PTPN14: variants seen among roughly 807,000 people sequenced by gnomAD.
PTPN14 encodes protein tyrosine phosphatase non-receptor type 14, also known as tyrosine-protein phosphatase non-receptor type 14.
A neutral mutation model predicts 126.8 loss-of-function variants in PTPN14; 53 were observed. The ratio of observed to expected loss-of-function variants is 0.42; its 90% CI spans 0.34 to 0.53. The LOEUF is 0.53. Ranked by LOEUF, PTPN14 falls within the 20% of genes least tolerant of loss-of-function variation. The pLI is 0.08. For synonymous variants in PTPN14, 630 were observed against 599.3 expected, an observed-to-expected ratio of 1.05 and a Z score of -0.75; for missense variants, 1,257 against 1,552.9, an observed-to-expected ratio of 0.81 and a Z score of 3.20.
intron 1 of PTPN14, among the ~76,000 whole-genome samples, chr1:214,513,013 A>G (rs1354204372): frequency 1.3e-5 from 2 of 152,174 alleles, no homozygotes; most frequent in East Asian, 1.9e-4. Context: ...TTTTAAATCA[A>G]TTTTAAAATC....
At chr1:214,518,164 G>A in intron 1 of PTPN14, among the ~76,000 whole-genome samples, 1 of 152,150 alleles carries the variant, frequency 6.6e-6, no homozygotes, top group East Asian at 1.9e-4. Flanking sequence ...CACCATGGAT[G>A]GGATGAATTT....
intron 11 of PTPN14, 74 bp downstream of exon 11, chr1:214,390,914 T>C: frequency 1.6e-6 from 2 of 1,256,534 alleles, no homozygotes; most frequent in Non-Finnish European, 1.1e-6. Flanking sequence ...GCCCTCATCA[T>C]CCCCCCACCT....
intron 1 of PTPN14, among the ~76,000 whole-genome samples, chr1:214,525,700 C>G (rs1044237298): frequency 3.2e-4 from 49 of 152,112 alleles, no homozygotes; most frequent in Admixed American, 7.2e-4. Flanking sequence ...TCTACTAGAT[C>G]AACTAAGTCA....
chr1:214,489,334 G>A (rs563917728), intron 1 of PTPN14, among the ~76,000 whole-genome samples: 5 of 152,212 alleles, frequency 3.3e-5, no homozygotes, highest in East Asian at 1.9e-4. Flanking sequence ...ACCCAAAACC[G>A]TATCCATCTG....
chr1:214,484,516 C>T (rs970584299), intron 1 of PTPN14, among the ~76,000 whole-genome samples: 11 of 152,270 alleles, frequency 7.2e-5, no homozygotes, highest in South Asian at 6.2e-4. Flanking sequence ...ACTGAAAAAT[C>T]GCTTCAAATC....
chr1:214,390,791 C>CT (rs561049952), intron 11 of PTPN14, among the ~76,000 whole-genome samples, 197 bp downstream of exon 11: 21 of 152,282 alleles, frequency 1.4e-4, no homozygotes, highest in African/African-American at 5.1e-4. Flanking sequence ...CTCAGCCACA[C>CT]TTAGAGTAGT....
chr1:214,466,924 A>T (rs2102655815), intron 1 of PTPN14, among the ~76,000 whole-genome samples: 1 of 152,248 alleles, frequency 6.6e-6, no homozygotes, highest in Non-Finnish European at 1.5e-5. Context: ...TCAGGTTATA[A>T]CCCTGCAACA....
chr1:214,388,376 G>C (rs778455260), intron 11 of PTPN14, among the ~76,000 whole-genome samples: 1 of 151,852 alleles, frequency 6.6e-6, no homozygotes, highest in African/African-American at 2.4e-5. Flanking sequence ...GTAAGCCACC[G>C]AACAGGATAA....
At chr1:214,512,654 T>G (rs1377310178) in intron 1 of PTPN14, among the ~76,000 whole-genome samples, 1 of 152,146 alleles carries the variant, frequency 6.6e-6, no homozygotes, top group African/African-American at 2.4e-5. Flanking sequence ...TTAAAAAATT[T>G]TATGTGTTTT....
At chr1:214,436,482 G>A (rs1659918682) in intron 3 of PTPN14, among the ~76,000 whole-genome samples, 1 of 152,144 alleles carries the variant, frequency 6.6e-6, no homozygotes, top group Admixed American at 6.5e-5. Context: ...ATTTTTTCAA[G>A]TAAGTGTGAG....
chr1:214,405,640 C>T (rs1659149533), intron 5 of PTPN14, among the ~76,000 whole-genome samples: 1 of 150,344 alleles, frequency 6.7e-6, no homozygotes, highest in Admixed American at 6.6e-5. Context: ...AGTGATGTTA[C>T]CTGGAAAACA....
chr1:214,523,006 C>T (rs1230108829), intron 1 of PTPN14, among the ~76,000 whole-genome samples: 1 of 152,306 alleles, frequency 6.6e-6, no homozygotes, highest in East Asian at 1.9e-4. Flanking sequence ...AAGCTGACTA[C>T]AGACCAAAAT....
intron 15 of PTPN14, among the ~76,000 whole-genome samples, chr1:214,375,098 T>C (rs890423431): frequency 2.6e-5 from 4 of 152,210 alleles, no homozygotes; most frequent in Non-Finnish European, 5.9e-5. Flanking sequence ...TGATAGTTAC[T>C]CTTTTATATT....
rs375648230 is a variant in PTPN14, at chr1:214,378,108, G to A, written c.2545-6C>T. The stretch of plus-strand genomic sequence containing the variant: ...ATCTTCTGCTTCTCTAGATTCTTGC[G>A]GCAAGAAAAGGCATGTGCTCATTGT... On this transcript the variant is annotated splice_region_variant and splice_polypyrimidine_tract_variant and intron_variant, in intron 13 of 18. Transcript: ENST00000366956. 34 of 1,604,968 alleles carry A rather than the reference G, an allele frequency of 2.1e-5. No individual in the cohort carries two copies. Among genetic ancestry groups the A allele is most frequent in the South Asian group, 1.1e-4 (10 of 90,590 alleles).
At chr1:214,500,526 T>C (rs1387723582) in intron 1 of PTPN14, among the ~76,000 whole-genome samples, 1 of 152,194 alleles carries the variant, frequency 6.6e-6, no homozygotes, top group East Asian at 1.9e-4. Context: ...AGCTCTTTTA[T>C]GGTTCCAAAT....
At chr1:214,538,701 C>A (rs1655767414) in intron 1 of PTPN14, among the ~76,000 whole-genome samples, 1 of 151,838 alleles carries the variant, frequency 6.6e-6, no homozygotes, top group South Asian at 2.1e-4. Flanking sequence ...AACTCCCCAG[C>A]CTGCTTGCTT....
At chr1:214,465,179 G>A (rs375188708) in intron 1 of PTPN14, among the ~76,000 whole-genome samples, 1 of 152,298 alleles carries the variant, frequency 6.6e-6, no homozygotes, top group East Asian at 1.9e-4. Context: ...CTTTACAGTT[G>A]AAGAAAGGAA....
chr1:214,505,106 C>T (rs1183513639), intron 1 of PTPN14, among the ~76,000 whole-genome samples: 1 of 151,404 alleles, frequency 6.6e-6, no homozygotes, highest in African/African-American at 2.4e-5. Flanking sequence ...TGGGGGCCCC[C>T]AACGAGAGGT....
rs994513646 is a variant in PTPN14, at chr1:214,364,243, C to T, written c.3435+269G>A. On this transcript the variant is annotated intron_variant, in intron 18 of 18. Coordinates refer to ENST00000366956, the MANE Select transcript of PTPN14 (RefSeq NM_005401.5). The surrounding 1 kb of genome is among the most constrained non-coding windows in gnomAD (Gnocchi z 4.1). ...TGCCAAAGACTTCTGGAAGTAGATG[C>T]CGCCTAAGATCACATTTTCTAAGTG... Among the ~76,000 whole-genome samples the T allele has an allele frequency of 6.6e-6, 1 of 152,128 alleles. No individual in the cohort carries two copies. The highest frequency in any genetic ancestry group is 1.5e-5 in the Non-Finnish European group (1 of 68,032).
Sources: gnomAD v4.1 joint callset for allele counts (sites outside exome capture counted in the v4.1 genomes callset) on GRCh38, gnomAD v4.1.1 for gene constraint, Gnocchi (gnomAD v3.1) non-coding constraint, MANE v1.5 for transcripts, NCBI Gene and HGNC (gene_info 2026-07-23, HGNC 2026-07-21) for gene names.